Variants in SNX3 observed in about 807,000 individuals in gnomAD.
The protein encoded by SNX3 is sorting nexin 3.
Under a neutral mutation model 17.7 loss-of-function variants are expected in SNX3, and 5 were observed. The ratio of observed to expected loss-of-function variants is 0.28; its 90% CI spans 0.15 to 0.59. SNX3 has a LOEUF of 0.59. Ranked by LOEUF, SNX3 falls within the 20% of genes least tolerant of loss-of-function variation. SNX3 has a pLI of 0.88. For missense variants in SNX3, 132 were observed against 206.8 expected (o/e 0.64, Z 2.22); for synonymous variants, 91 against 76.5 (o/e 1.19, Z -0.99).
chr6:108,214,657 T>C (rs765792115), intron 2 of SNX3, 35 bp from the exon 3 acceptor site: 1 of 1,592,844 alleles, frequency 6.3e-7, no homozygotes, highest in African/African-American at 1.4e-5. Flanking sequence ...TTGATCATGA[T>C]GACTGGGTTG....
intron 1 of SNX3, among the ~76,000 whole-genome samples, chr6:108,252,770 G>A (rs1185538789): frequency 6.6e-6 from 1 of 151,934 alleles, no homozygotes; most frequent in East Asian, 1.9e-4. Flanking sequence ...CCCCTGAGTA[G>A]CTGGGATTAT....
intron 2 of SNX3, among the ~76,000 whole-genome samples, chr6:108,215,366 A>C (rs2114704828): frequency 6.6e-6 from 1 of 151,816 alleles, no homozygotes. Context: ...AAAAAAAAAA[A>C]GATTTCTGGT....
chr6:108,242,318 A>C (rs1025821968), intron 1 of SNX3, among the ~76,000 whole-genome samples: 3 of 152,220 alleles, frequency 2.0e-5, no homozygotes, highest in Admixed American at 1.3e-4. Context: ...TACATCCAAG[A>C]AGCTCAATGA....
chr6:108,214,714 T>A, intron 2 of SNX3, 92 bp from the exon 3 acceptor site: 1 of 1,345,982 alleles, frequency 7.4e-7, no homozygotes, highest in Non-Finnish European at 1.0e-6. Context: ...GTCCTCACTA[T>A]GACAGCCATC....
At chr6:108,231,171 G>A (rs774707244) in intron 1 of SNX3, among the ~76,000 whole-genome samples, 1 of 151,408 alleles carries the variant, frequency 6.6e-6, no homozygotes, top group Non-Finnish European at 1.5e-5. Flanking sequence ...ATGGCGCGAT[G>A]TCGGCTCACT....
chr6:108,253,032 A>G (rs1045778097), intron 1 of SNX3, among the ~76,000 whole-genome samples: 2 of 152,192 alleles, frequency 1.3e-5, no homozygotes, highest in Non-Finnish European at 2.9e-5. Flanking sequence ...TGCTGGCTCT[A>G]TTTACATGAA....
chr6:108,222,429 G>T (rs760516098), intron 2 of SNX3: 23 of 1,095,824 alleles, frequency 2.1e-5, no homozygotes, highest in Middle Eastern at 4.8e-4. Context: ...TTTTTAAATT[G>T]CCGGCAGCAA....
chr6:108,222,610 A>C (rs1394542985), intron 2 of SNX3, among the ~76,000 whole-genome samples: 1 of 152,272 alleles, frequency 6.6e-6, no homozygotes, highest in Non-Finnish European at 1.5e-5. Context: ...ACTGACATTT[A>C]TAAAATGTAT....
intron 1 of SNX3, among the ~76,000 whole-genome samples, chr6:108,247,881 T>C (rs551199113): frequency 5.9e-5 from 9 of 152,114 alleles, no homozygotes; most frequent in African/African-American, 1.9e-4. Context: ...GAGGATTGCT[T>C]GAGCTCAGGA....
chr6:108,248,478 C>T (rs1775756542), intron 1 of SNX3, among the ~76,000 whole-genome samples: 1 of 152,036 alleles, frequency 6.6e-6, no homozygotes, highest in Non-Finnish European at 1.5e-5. Flanking sequence ...AATCAACTGA[C>T]CCACAGGAGC....
intron 1 of SNX3, among the ~76,000 whole-genome samples, chr6:108,223,285 C>A (rs749463929): frequency 1.3e-5 from 2 of 151,730 alleles, no homozygotes; most frequent in Non-Finnish European, 2.9e-5. Flanking sequence ...ATTACAGGCA[C>A]CCACCATCAT....
chr6:108,212,779 G>T (rs1774447024), intron 3 of SNX3, among the ~76,000 whole-genome samples: 1 of 151,934 alleles, frequency 6.6e-6, no homozygotes, highest in African/African-American at 2.4e-5. Context: ...CACTGCTTGT[G>T]GCACATGTAC....
At chr6:108,244,986 A>G (rs1366065243) in intron 1 of SNX3, among the ~76,000 whole-genome samples, 1 of 152,104 alleles carries the variant, frequency 6.6e-6, no homozygotes, top group Non-Finnish European at 1.5e-5. Context: ...CACGTGCAAA[A>G]AAACGTGCAG....
At chr6:108,212,627 T>G (rs1415209785) in intron 3 of SNX3, among the ~76,000 whole-genome samples, 1 of 152,164 alleles carries the variant, frequency 6.6e-6, no homozygotes, top group Non-Finnish European at 1.5e-5. Flanking sequence ...CGTGAGCCAC[T>G]GCGCCCGGCT....
chr6:108,241,143 CAAAAAAAAAAAAAAA>C (rs71274311), intron 1 of SNX3, among the ~76,000 whole-genome samples: 1 of 51,184 alleles, frequency 2.0e-5, no homozygotes. Context: ...GACTCCGTCT[CAAAAAAAAAAAAAAA>C]AAAAAAAAAA....
intron 1 of SNX3, among the ~76,000 whole-genome samples, chr6:108,260,401 C>T (rs564312160): frequency 6.6e-6 from 1 of 152,198 alleles, no homozygotes; most frequent in Admixed American, 6.6e-5. Flanking sequence ...TTGCGCAAGC[C>T]CCTTTTCTCT....
chr6:108,237,165 C>G (rs540373312), intron 1 of SNX3, among the ~76,000 whole-genome samples: 26 of 152,298 alleles, frequency 1.7e-4, no homozygotes, highest in African/African-American at 5.8e-4. Context: ...ACTATATCTT[C>G]TTTAACTGTT....
chr6:108,242,726 A>C (rs927057914), intron 1 of SNX3, among the ~76,000 whole-genome samples: 55 of 152,174 alleles, frequency 3.6e-4, no homozygotes, highest in Non-Finnish European at 8.8e-5. Flanking sequence ...TAAACTCCCT[A>C]ATCAGTTTGA....
intron 1 of SNX3, among the ~76,000 whole-genome samples, chr6:108,245,717 T>G (rs1193683232): frequency 6.6e-6 from 1 of 152,282 alleles, no homozygotes. Flanking sequence ...GATGAGCTTT[T>G]TTAAAATTGT....
Sources: gnomAD v4.1 joint callset for allele counts (sites outside exome capture counted in the v4.1 genomes callset) on GRCh38, gnomAD v4.1.1 for gene constraint, MANE v1.5 for transcripts, NCBI Gene and HGNC (gene_info 2026-07-23, HGNC 2026-07-21) for gene names.